ANKFN1: variants seen among roughly 807,000 people sequenced by gnomAD.
ANKFN1 encodes the protein ankyrin repeat and fibronectin type-III domain-containing protein 1.
In ANKFN1, 74 loss-of-function variants were observed where a neutral mutation model predicts 108.7. The observed-to-expected ratio is 0.68, with a 90% CI of 0.56 to 0.83. The LOEUF (loss-of-function observed/expected upper bound fraction) is 0.83. ANKFN1 is among the 40% of genes least tolerant of loss of function. The pLI is 0.00. For missense variants in ANKFN1, 1,505 were observed against 1,382.3 expected (o/e 1.09, Z -1.41); for synonymous variants, 547 against 516.2 (o/e 1.06, Z -0.81).
At chr17:56,408,925 ATTT>A (rs551085325) in intron 8 of ANKFN1, among the ~76,000 whole-genome samples, 2 of 143,082 alleles carry the variant, frequency 1.4e-5, no homozygotes, top group African/African-American at 2.6e-5. Context: ...TGCTTTTAAG[ATTT>A]TTTTTTTTTT....
intron 1 of ANKFN1, among the ~76,000 whole-genome samples, chr17:56,177,684 G>A (rs1265066170): frequency 2.0e-5 from 3 of 152,144 alleles, no homozygotes; most frequent in African/African-American, 4.8e-5. Flanking sequence ...ATAGGCTGAA[G>A]TACGTGATGT....
At chr17:56,063,876 T>G (rs1905018960) in intron 4 of ANKFN1, among the ~76,000 whole-genome samples, 1 of 152,140 alleles carries the variant, frequency 6.6e-6, no homozygotes, top group Admixed American at 6.6e-5. Flanking sequence ...TTCATGAGTT[T>G]GTTTAGTTTC....
At chr17:56,362,098 T>C (rs1373521395) in intron 6 of ANKFN1, among the ~76,000 whole-genome samples, 2 of 152,146 alleles carry the variant, frequency 1.3e-5, no homozygotes. Context: ...TTATTACCCA[T>C]ATAAGATTAT....
intron 11 of ANKFN1, among the ~76,000 whole-genome samples, chr17:56,453,898 T>A (rs2049584500): frequency 6.6e-6 from 1 of 152,182 alleles, no homozygotes; most frequent in African/African-American, 2.4e-5. Flanking sequence ...GAAACCTTTT[T>A]TTCCCCTCTC....
chr17:56,261,801 G>A (rs1327764758), intron 3 of ANKFN1, among the ~76,000 whole-genome samples: 3 of 152,060 alleles, frequency 2.0e-5, no homozygotes, highest in East Asian at 1.9e-4. Flanking sequence ...GCATCTCCCC[G>A]TCCACTGACT....
chr17:56,348,786 TTGG>T lies in ANKFN1; in HGVS notation c.189-1976_189-1974del, dbSNP rs539438425. ...GAGAAAACAAAACACTTTTACAGTATTGGTGGGAGTGTAAATTAGTTCAATGAT... is the reference window on the plus strand; with the variant it reads ...GAGAAAACAAAACACTTTTACAGTATTGGGAGTGTAAATTAGTTCAATGAT... On this transcript the variant is annotated intron_variant, in intron 4 of 20. Coordinates refer to ENST00000682825, the MANE Select transcript of ANKFN1 (RefSeq NM_001370326.1). Among the ~76,000 whole-genome samples the T allele has an allele frequency of 3.0e-4, 46 of 152,214 alleles. No individual in the cohort carries two copies. The South Asian group carries it at 9.3e-3, about 31-fold the overall frequency.
chr17:56,457,484 G>T, intron 13 of ANKFN1, 95 bp downstream of exon 13: 1 of 1,335,464 alleles, frequency 7.5e-7, no homozygotes, highest in South Asian at 1.6e-5. Flanking sequence ...CCAGCGATCA[G>T]AGTTTTGGGG....
At chr17:56,404,925 C>T (rs2047873831) in intron 8 of ANKFN1, among the ~76,000 whole-genome samples, 1 of 152,210 alleles carries the variant, frequency 6.6e-6, no homozygotes, top group African/African-American at 2.4e-5. Flanking sequence ...TGATTGTTGT[C>T]TCTCTTCTGG....
intron 18 of ANKFN1, among the ~76,000 whole-genome samples, chr17:56,487,913 CTGAT>C (rs1039605196): frequency 7.2e-5 from 11 of 152,140 alleles, no homozygotes; most frequent in African/African-American, 2.4e-4. Flanking sequence ...GACCTGCAGC[CTGAT>C]TAAGTACACT....
At position 56,499,092 on chromosome 17, in the gene ANKFN1, G is replaced by T; in HGVS notation, c.2638G>T (p.Val880Leu). ...PSPEMHRRKT[V>L]SDSQPCSDEE... ...CCCAGAGATGCACAGAAGAAAGACA[G>T]TGAGTGGTAAGCAATGAGATCTGAA... Residue 880 changes from valine to leucine, a missense_variant, in exon 20 of 21, where the codon GTG becomes TTG. Val to Leu is a conservative substitution (Grantham distance 32, BLOSUM62 1). Coordinates refer to ENST00000682825, the MANE Select transcript of ANKFN1 (RefSeq NM_001370326.1). 1 of 1,535,382 alleles carries T rather than the reference G, an allele frequency of 6.5e-7. No homozygotes were observed. Among genetic ancestry groups the T allele is most frequent in the South Asian group, 1.2e-5 (1 of 84,002 alleles).
chr17:56,305,576 T>C (rs1343335658), intron 3 of ANKFN1, among the ~76,000 whole-genome samples: 1 of 152,208 alleles, frequency 6.6e-6, no homozygotes, highest in African/African-American at 2.4e-5. Context: ...CTTGAAAATA[T>C]TTTTGCTCAC....
At chr17:56,071,185 C>T (rs548168817) in intron 4 of ANKFN1, among the ~76,000 whole-genome samples, 1 of 152,330 alleles carries the variant, frequency 6.6e-6, no homozygotes, top group East Asian at 1.9e-4. Flanking sequence ...AAGCCTCCCC[C>T]TCCACAACCA....
intron 1 of ANKFN1, chr17:56,206,366 T>C (rs188908621): frequency 1.3e-5 from 2 of 152,332 alleles, no homozygotes; most frequent in Admixed American, 1.3e-4. Flanking sequence ...GATTACATGA[T>C]AGTCCCTTAG....
intron 4 of ANKFN1, among the ~76,000 whole-genome samples, chr17:56,061,276 T>TTC (rs1397607017): frequency 1.5e-5 from 2 of 135,226 alleles, no homozygotes; most frequent in African/African-American, 5.6e-5. Flanking sequence ...TTTTTTTTTT[T>TTC]TTTTTTTTTT....
intron 4 of ANKFN1, among the ~76,000 whole-genome samples, chr17:56,123,690 T>A (rs1482188248): frequency 1.3e-5 from 2 of 152,028 alleles, no homozygotes; most frequent in African/African-American, 4.8e-5. Flanking sequence ...TAGGAGTAAT[T>A]AGGTGTAAAG....
At chr17:56,289,083 AATGCAGGG>A (rs1428272815) in intron 3 of ANKFN1, among the ~76,000 whole-genome samples, 2 of 152,174 alleles carry the variant, frequency 1.3e-5, no homozygotes, top group African/African-American at 4.8e-5. Flanking sequence ...GTTATGGAAG[AATGCAGGG>A]ATGGAAAGGC....
At chr17:56,153,448 A>G (rs1908794904), upstream of ANKFN1, 1 of 1,598,100 alleles carries the variant, frequency 6.3e-7, no homozygotes, top group Non-Finnish European at 8.6e-7. Flanking sequence ...GACATTCGCA[A>G]AGGGGTTTCC....
At chr17:56,366,158 T>C (rs1430091878) in intron 6 of ANKFN1, among the ~76,000 whole-genome samples, 2 of 152,182 alleles carry the variant, frequency 1.3e-5, no homozygotes, top group Non-Finnish European at 2.9e-5. Context: ...ACAAAAACAG[T>C]TTAAAATTTT....
chr17:56,380,371 G>A (rs1379701850), intron 8 of ANKFN1, among the ~76,000 whole-genome samples: 1 of 152,216 alleles, frequency 6.6e-6, no homozygotes, highest in East Asian at 1.9e-4. Flanking sequence ...GAAGACGGGT[G>A]ATTTCTGCAT....
Sources: gnomAD v4.1 joint callset for allele counts (sites outside exome capture counted in the v4.1 genomes callset) on GRCh38, gnomAD v4.1.1 for gene constraint, MANE v1.5 for transcripts, NCBI Gene and HGNC (gene_info 2026-07-23, HGNC 2026-07-21) for gene names.